Variants in SCN3A observed in about 807,000 individuals in gnomAD.
The protein encoded by SCN3A is sodium channel protein type 3 subunit alpha.
Under a neutral mutation model 187.6 loss-of-function variants are expected in SCN3A, and 60 were observed. The ratio of observed to expected loss-of-function variants is 0.32; its 90% confidence interval spans 0.26 to 0.40. The LOEUF is 0.40. Among genes scored for constraint, SCN3A ranks in the 10% least tolerant of loss-of-function variants. The pLI is 1.00. For missense variants in SCN3A, 1,601 were observed against 2,428.2 expected (o/e 0.66, Z 7.16); for synonymous variants, 788 against 829.2 (o/e 0.95, Z 0.85).
chr2:165,096,693 G>A (rs908034436), intron 23 of SCN3A, among the ~76,000 whole-genome samples, 173 bp from the exon 24 acceptor site: 2 of 152,018 alleles, frequency 1.3e-5, no homozygotes, highest in African/African-American at 4.8e-5. Context: ...TTTAAAGTCT[G>A]GAACTTGTTT....
intron 2 of SCN3A, among the ~76,000 whole-genome samples, chr2:165,184,138 G>C (rs1691072510): frequency 6.6e-6 from 1 of 152,020 alleles, no homozygotes; most frequent in Non-Finnish European, 1.5e-5. Context: ...GCACCCAACA[G>C]CATAAGATTT....
chr2:165,173,047 C>T (rs1690208403), intron 3 of SCN3A, among the ~76,000 whole-genome samples: 1 of 152,088 alleles, frequency 6.6e-6, no homozygotes, highest in African/African-American at 2.4e-5. Flanking sequence ...ATTGCTACAG[C>T]TGGAAGTATG....
At chr2:165,129,879 C>T in intron 17 of SCN3A, 61 bp downstream of exon 17, 3 of 1,603,642 alleles carry the variant, frequency 1.9e-6, no homozygotes, top group South Asian at 2.2e-5. Context: ...TACATCTGGC[C>T]ACGTTCCTAG....
At chr2:165,171,419 T>C (rs1274276048) in intron 3 of SCN3A, among the ~76,000 whole-genome samples, 1 of 151,996 alleles carries the variant, frequency 6.6e-6, no homozygotes, top group Non-Finnish European at 1.5e-5. Context: ...CACATTACAA[T>C]ATAGTTCCAC....
chr2:165,173,435 C>T (rs1690245180), intron 3 of SCN3A, among the ~76,000 whole-genome samples: 1 of 152,220 alleles, frequency 6.6e-6, no homozygotes, highest in Non-Finnish European at 1.5e-5. Flanking sequence ...ATAGGACCTG[C>T]CTCACTGGTT....
At chr2:165,105,351 C>T (rs1284571536) in intron 21 of SCN3A, among the ~76,000 whole-genome samples, 1 of 152,070 alleles carries the variant, frequency 6.6e-6, no homozygotes, top group Non-Finnish European at 1.5e-5. Flanking sequence ...TTGAGTTTTT[C>T]CCATTAATAG....
At chr2:165,141,357 A>G (rs1310220369) in intron 12 of SCN3A, among the ~76,000 whole-genome samples, 1 of 152,184 alleles carries the variant, frequency 6.6e-6, no homozygotes, top group African/African-American at 2.4e-5. Flanking sequence ...AACAAATAGT[A>G]AGTAGCTTCT....
chr2:165,199,235 T>G (rs1692170304), intron 1 of SCN3A, among the ~76,000 whole-genome samples: 1 of 152,028 alleles, frequency 6.6e-6, no homozygotes, highest in Non-Finnish European at 1.5e-5. Flanking sequence ...AACCACTATT[T>G]AATAATTAAG....
intron 21 of SCN3A, among the ~76,000 whole-genome samples, chr2:165,104,156 T>A (rs1284664284): frequency 1.3e-5 from 2 of 151,964 alleles, no homozygotes; most frequent in Non-Finnish European, 2.9e-5. Flanking sequence ...TTACAAAAAC[T>A]TTAAAAATAT....
At chr2:165,115,298 G>T (rs1686311554) in intron 19 of SCN3A, among the ~76,000 whole-genome samples, 157 bp downstream of exon 19, 1 of 151,792 alleles carries the variant, frequency 6.6e-6, no homozygotes, top group Non-Finnish European at 1.5e-5. Flanking sequence ...AACTCCTGGG[G>T]TCAAGCAATC....
rs1687945772 is a variant in SCN3A, at chr2:165,140,568, G to A, written c.2019+83C>T. ...AACTTTCATTTTGAGGAAGCAGGAC[G>A]GTATGACAGCCTAAACTGTCCAGGC... is the stretch of plus-strand genomic sequence containing the variant. On this transcript the variant is annotated intron_variant, in intron 13 of 27. Transcript: ENST00000283254. The surrounding 1 kb of genome is among the most constrained non-coding windows in gnomAD (Gnocchi z 4.2). 2 of 1,160,506 alleles carry A rather than the reference G, an allele frequency of 1.7e-6. No homozygotes were observed. The highest frequency in any genetic ancestry group is 2.6e-6 in the Non-Finnish European group (2 of 771,470). The allele number at this position is 1,160,506 out of a possible 1,614,324, so 71.9% of individuals were successfully genotyped here.
rs1336874859 is a variant in SCN3A, at chr2:165,164,450, C to A, written c.544G>T (p.Asp182Tyr). The A allele has an allele frequency of 6.2e-7, 1 of 1,613,780 alleles. No homozygotes were observed. The highest frequency in any genetic ancestry group is 2.2e-5 in the East Asian group (1 of 44,800). The stretch of plus-strand genomic sequence containing the variant: ...CATGGATCACGAAGAAACGTAAAAT[C>A]TTCTAAGCAAAACCCTCTTGCCAAG... ...KILARGFCLE[D>Y]FTFLRDPWNW... The change falls in exon 6 of 28, where the codon GAT becomes TAT. Residue 182 changes from aspartate (D) to tyrosine (Y), a missense_variant. Transcript: ENST00000283254.
chr2:165,187,699 A>G (rs1691330603), intron 1 of SCN3A, among the ~76,000 whole-genome samples: 1 of 152,180 alleles, frequency 6.6e-6, no homozygotes, highest in Non-Finnish European at 1.5e-5. Flanking sequence ...CAAATCTGTC[A>G]GTGGCTCTCA....
At position 165,179,860 on chromosome 2, in the gene SCN3A, G is replaced by A. The variant is rs532824839; in HGVS notation, c.-50-3416C>T. Among the ~76,000 whole-genome samples the A allele has an allele frequency of 1.8e-4, 27 of 152,082 alleles. 1 individual carries two copies. Among genetic ancestry groups the A allele is most frequent in the African/African-American group, 5.5e-4 (23 of 41,474 alleles). On this transcript the variant is annotated intron_variant, in intron 2 of 27. Coordinates refer to ENST00000283254, the MANE Select transcript of SCN3A (RefSeq NM_006922.4). Reference sequence around the variant, plus strand: ...TCCTCTCCTTTCTTGTACTCTGTGAGCTTATTATACAGAGTTCTTACATAA... The same window carrying A: ...TCCTCTCCTTTCTTGTACTCTGTGAACTTATTATACAGAGTTCTTACATAA...
At chr2:165,158,641 A>T (rs1457583412) in intron 9 of SCN3A, among the ~76,000 whole-genome samples, 2 of 137,966 alleles carry the variant, frequency 1.4e-5, no homozygotes, top group African/African-American at 5.9e-5. Context: ...AATGTCAGGT[A>T]ATTGAAATCA....
At chr2:165,102,007 G>T (rs1685628251) in intron 21 of SCN3A, among the ~76,000 whole-genome samples, 1 of 152,342 alleles carries the variant, frequency 6.6e-6, no homozygotes, top group South Asian at 2.1e-4. Context: ...AGACTGGAAA[G>T]ATTGGAAAGG....
At chr2:165,198,139 A>G (rs1408910191) in intron 1 of SCN3A, among the ~76,000 whole-genome samples, 1 of 152,006 alleles carries the variant, frequency 6.6e-6, no homozygotes, top group Non-Finnish European at 1.5e-5. Context: ...AACAAATAAC[A>G]TAGCAGAAAC....
At chr2:165,094,249 A>G (rs1461351074) in intron 26 of SCN3A, 125 bp downstream of exon 26, 1 of 801,204 alleles carries the variant, frequency 1.2e-6, no homozygotes, top group Non-Finnish European at 2.2e-6. Flanking sequence ...GATGCAAAAT[A>G]TGAACTTTAT....
intron 1 of SCN3A, among the ~76,000 whole-genome samples, chr2:165,188,382 G>A (rs563143485): frequency 1.2e-4 from 19 of 152,064 alleles, no homozygotes; most frequent in East Asian, 3.9e-4. Context: ...TTCAAACTGC[G>A]TTATATCTTA....
Sources: allele counts gnomAD v4.1 joint callset (sites outside exome capture counted in the v4.1 genomes callset), GRCh38; gene constraint gnomAD v4.1.1; non-coding constraint Gnocchi (gnomAD v3.1); transcripts MANE v1.5; gene names NCBI Gene and HGNC (gene_info 2026-07-23, HGNC 2026-07-21).